The following CMSS1 variants were observed in gnomAD, a reference collection of about 807,000 sequenced individuals.
The protein encoded by CMSS1 is cms1 ribosomal small subunit homolog.
A neutral mutation model predicts 43.5 loss-of-function variants in CMSS1; 33 were observed. That is an observed-to-expected ratio of 0.76 (90% CI 0.57 to 1.01). CMSS1 has a LOEUF of 1.01. Among genes scored for constraint, CMSS1 ranks in the 50% least tolerant of loss-of-function variants. The pLI is 0.00. For missense variants in CMSS1, 313 were observed against 326.4 expected (o/e 0.96, Z 0.32); for synonymous variants, 115 against 117.2 (o/e 0.98, Z 0.12).
rs529191022 is a variant in CMSS1 at position 100,135,873 on chromosome 3, G to A, written c.65-11100G>A. 4.8e-4 allele frequency among the ~76,000 whole-genome samples: 73 copies of A among 152,180 alleles called. No individual in the cohort carries two copies. In the Middle Eastern group the frequency reaches 0.01, roughly 21 times the overall value. Reference sequence around the variant, plus strand: ...GTCAAATTATCAGGACCCATGAAATGACTCCAGCTCAGTGTTTTACCATCC... The same window carrying A: ...GTCAAATTATCAGGACCCATGAAATAACTCCAGCTCAGTGTTTTACCATCC... On this transcript the variant is annotated intron_variant, in intron 1 of 9. Transcript: ENST00000421999.
chr3:100,172,468 C>A, intron 8 of CMSS1, 65 bp downstream of exon 8: 1 of 1,197,892 alleles, frequency 8.3e-7, no homozygotes, highest in Non-Finnish European at 1.2e-6. Context: ...ACATGTGAGT[C>A]TCAGAAACTA....
chr3:100,172,064 A>G (rs992379251), intron 7 of CMSS1, 165 bp downstream of exon 7: 34 of 648,088 alleles, frequency 5.2e-5, no homozygotes, highest in Non-Finnish European at 6.2e-5. Context: ...CTGCATACCT[A>G]CCTCCCCAGT....
intron 1 of CMSS1, among the ~76,000 whole-genome samples, chr3:99,927,446 C>T (rs1340616226): frequency 4.6e-5 from 7 of 150,568 alleles, no homozygotes; most frequent in Non-Finnish European, 8.9e-5. Context: ...CTCAGCTCAT[C>T]GCGATCTCCG....
At chr3:100,082,534 T>C (rs2065948421) in intron 1 of CMSS1, among the ~76,000 whole-genome samples, 1 of 152,160 alleles carries the variant, frequency 6.6e-6, no homozygotes, top group South Asian at 2.1e-4. Flanking sequence ...CAGCCCATAA[T>C]ATCTGAGTGA....
intron 1 of CMSS1, among the ~76,000 whole-genome samples, chr3:99,979,766 A>G (rs1174533394): frequency 6.6e-6 from 1 of 152,200 alleles, no homozygotes; most frequent in Non-Finnish European, 1.5e-5. Flanking sequence ...TTGTAAGGAT[A>G]TAAAGAGGAA....
intron 1 of CMSS1, among the ~76,000 whole-genome samples, chr3:100,060,089 A>G (rs1465228909): frequency 6.6e-6 from 1 of 152,126 alleles, no homozygotes; most frequent in Non-Finnish European, 1.5e-5. Flanking sequence ...ATGTGCCCTC[A>G]GCTGTGCCGG....
chr3:99,859,889 CT>C, intron 1 of CMSS1, among the ~76,000 whole-genome samples: 1 of 152,256 alleles, frequency 6.6e-6, no homozygotes, highest in East Asian at 1.9e-4. Context: ...TGTGACCCGT[CT>C]TTTTTATTCT....
chr3:99,969,316 A>G (rs917830135), intron 1 of CMSS1, among the ~76,000 whole-genome samples: 6 of 152,240 alleles, frequency 3.9e-5, no homozygotes, highest in African/African-American at 1.2e-4. Flanking sequence ...CTCTTGAGCA[A>G]TATGACAGTT....
chr3:99,872,680 A>C (rs549133144), intron 1 of CMSS1, among the ~76,000 whole-genome samples: 1 of 152,134 alleles, frequency 6.6e-6, no homozygotes, highest in Non-Finnish European at 1.5e-5. Flanking sequence ...GAGGACGGTC[A>C]GACTGGAAAA....
rs1473145983 is a variant in CMSS1 at position 100,160,440 on chromosome 3, GT to G, written c.170del (p.Leu57Ter). ...PSEKTKQPKE[C>X]FLIQPKERKE... ...TGTATTTCTTAATAGCCTAAAGAAT[GT>G]TTTTTGATACAACCAAAGGAAAGAA... On this transcript the variant is annotated frameshift_variant, in exon 3 of 10. Coordinates refer to ENST00000421999, the MANE Select transcript of CMSS1 (RefSeq NM_032359.4). LOFTEE classifies it high-confidence loss of function. 2 of 1,488,356 alleles carry G rather than the reference GT, an allele frequency of 1.3e-6. No homozygotes were observed. The highest frequency in any genetic ancestry group is 1.1e-5 in the South Asian group (1 of 87,118). The allele number at this position is 1,488,356 out of a possible 1,614,324, so 92.2% of individuals were successfully genotyped here.
At chr3:100,030,078 C>T (rs1355777085) in intron 1 of CMSS1, among the ~76,000 whole-genome samples, 1 of 152,132 alleles carries the variant, frequency 6.6e-6, no homozygotes, top group East Asian at 1.9e-4. Flanking sequence ...GACCTTAAAA[C>T]CCTTGTTTTA....
chr3:99,972,908 G>T (rs1708864312), intron 1 of CMSS1, among the ~76,000 whole-genome samples: 1 of 152,174 alleles, frequency 6.6e-6, no homozygotes, highest in Non-Finnish European at 1.5e-5. Context: ...TTGTGAGAGG[G>T]TTTGTTACAA....
intron 1 of CMSS1, among the ~76,000 whole-genome samples, chr3:99,950,171 CT>C (rs1055684176): frequency 6.6e-6 from 1 of 152,118 alleles, no homozygotes; most frequent in Admixed American, 6.6e-5. Flanking sequence ...GTAGATAGGA[CT>C]TTTTTCTTAT....
chr3:99,971,532 G>A (rs888586738), intron 1 of CMSS1, among the ~76,000 whole-genome samples: 1 of 152,202 alleles, frequency 6.6e-6, no homozygotes, highest in Non-Finnish European at 1.5e-5. Flanking sequence ...ATGAAAATAT[G>A]TTAGTATTGC....
chr3:99,988,528 AAAG>A (rs1454064956), intron 1 of CMSS1, among the ~76,000 whole-genome samples: 451 of 40,778 alleles, frequency 0.011, 2 homozygotes, highest in African/African-American at 0.027. Context: ...AAAAAAAAAA[AAAG>A]AAAGAAAAGG....
chr3:99,974,461 G>A (rs1431535719), intron 1 of CMSS1, among the ~76,000 whole-genome samples: 1 of 152,200 alleles, frequency 6.6e-6, no homozygotes, highest in African/African-American at 2.4e-5. Flanking sequence ...TGTAATCACA[G>A]CACTTTGGGA....
At chr3:100,156,128 A>ATGAC (rs1452686791) in intron 2 of CMSS1, among the ~76,000 whole-genome samples, 19 of 151,366 alleles carry the variant, frequency 1.3e-4, no homozygotes, top group Admixed American at 1.1e-3. Context: ...TATGTCTTTG[A>ATGAC]TGACTCCTTT....
Position 100,091,273 on chromosome 3 carries a change from A to G in CMSS1, c.65-55700A>G, listed in dbSNP as rs1398686753. On this transcript the variant is annotated intron_variant, in intron 1 of 9. Transcript: ENST00000421999. ...GCACTCCAGACTAGGCGACAGAGCG[A>G]GACTCCGTCTCAAAAAAAAAAAAAA... Among the ~76,000 whole-genome samples, 49 of 148,228 alleles carry G rather than the reference A, an allele frequency of 3.3e-4. 1 individual carries two copies. The highest frequency in any genetic ancestry group is 1.2e-3 in the Admixed American group (18 of 14,834).
chr3:100,045,785 G>A (rs1193422167), intron 1 of CMSS1, among the ~76,000 whole-genome samples: 3 of 152,242 alleles, frequency 2.0e-5, no homozygotes, highest in African/African-American at 2.4e-5. Context: ...ACCACAGAAA[G>A]CTGTAACACA....
Sources: gnomAD v4.1 joint callset for allele counts (sites outside exome capture counted in the v4.1 genomes callset) on GRCh38, gnomAD v4.1.1 for gene constraint, MANE v1.5 for transcripts, NCBI Gene and HGNC (gene_info 2026-07-23, HGNC 2026-07-21) for gene names.